CEP44: variants seen among roughly 807,000 people sequenced by gnomAD.
CEP44 encodes the protein centrosomal protein 44, also known as centrosomal protein of 44 kDa.
In CEP44, 45 loss-of-function variants were observed where a neutral mutation model predicts 46.7. That is an observed-to-expected ratio of 0.96 (90% CI 0.76 to 1.24). CEP44 has a LOEUF of 1.24. Among genes scored for constraint, CEP44 ranks in the 50% most tolerant of loss-of-function variants. The probability of loss-of-function intolerance (pLI) is 0.00; values close to 1 mark genes in which losing one functional copy is unlikely to be tolerated. For missense variants in CEP44, 475 were observed against 459.7 expected (o/e 1.03, Z -0.30); for synonymous variants, 142 against 146.0 (o/e 0.97, Z 0.20).
rs537544718 is a variant in CEP44 at position 174,319,693 on chromosome 4, A to G, written c.*2310A>G. On this transcript the variant is annotated 3_prime_UTR_variant, in exon 12 of 12. Coordinates refer to ENST00000503780, the MANE Select transcript of CEP44 (RefSeq NM_001040157.3). Reference sequence around the variant, plus strand: ...GGAAATTTAGAATCCAAATTTTCTTAAACTTTAATAACTTGTCTAACAACT... The same window carrying G: ...GGAAATTTAGAATCCAAATTTTCTTGAACTTTAATAACTTGTCTAACAACT... 2.4e-6 allele frequency: 2 copies of G among 827,752 alleles called. No individual in the cohort carries two copies. Among genetic ancestry groups the G allele is most frequent in the African/African-American group, 3.7e-5 (2 of 54,634 alleles). 51.3% of individuals were successfully genotyped at this position (827,752 alleles called of 1,614,324 possible).
Position 174,311,206 on chromosome 4 carries a change from T to C in CEP44, c.961+348T>C, listed in dbSNP as rs1176272713. On this transcript the variant is annotated intron_variant, in intron 9 of 11. Transcript: ENST00000503780. The surrounding 1 kb of genome is among the most constrained non-coding windows in gnomAD (Gnocchi z 4.4). The stretch of plus-strand genomic sequence containing the variant: ...AGGTAGTAGCTTTCTCATATGTAAA[T>C]AATAATATGTAAGAGAAGAAAACAC... Among the ~76,000 whole-genome samples, 1 of 151,960 alleles carries C rather than the reference T, an allele frequency of 6.6e-6. No individual in the cohort carries two copies. Among genetic ancestry groups the C allele is most frequent in the African/African-American group, 2.4e-5 (1 of 41,408 alleles).
At chr4:174,305,067 G>A (rs1245708580) in intron 6 of CEP44, among the ~76,000 whole-genome samples, 5 of 152,174 alleles carry the variant, frequency 3.3e-5, no homozygotes, top group Admixed American at 2.6e-4. Flanking sequence ...TTAAGTAAAG[G>A]ATGTGAATAC....
chr4:174,324,738 A>G (rs1480137546), downstream of CEP44, among the ~76,000 whole-genome samples: 3 of 152,144 alleles, frequency 2.0e-5, no homozygotes, highest in African/African-American at 7.2e-5. Flanking sequence ...CAGAGGGACC[A>G]GACACTTACC....
In CEP44 at chr4:174,308,728, A is replaced by G. The variant is rs2126628127; in HGVS notation, c.547A>G (p.Asn183Asp). The G allele has an allele frequency of 3.1e-6, 5 of 1,612,596 alleles. No homozygotes were observed. The highest frequency in any genetic ancestry group is 4.2e-6 in the Non-Finnish European group (5 of 1,178,894). The part of the protein sequence containing the change: ...VVIRHLYNED[N>D]VDISEDTLSP... ...GATTCGTCACTTGTATAATGAAGATAATGTTGACATTTCTGAGGATACATT... is the reference window on the plus strand; with the variant it reads ...GATTCGTCACTTGTATAATGAAGATGATGTTGACATTTCTGAGGATACATT... Residue 183 changes from asparagine (N) to aspartate (D), a missense_variant, in exon 7 of 12, where the codon AAT (asparagine) becomes GAT (aspartate). Physicochemically the swap from Asn to Asp is conservative, Grantham distance 23. Coordinates refer to ENST00000503780, the MANE Select transcript of CEP44 (RefSeq NM_001040157.3).
chr4:174,323,913 A>G (rs1288348488), downstream of CEP44, among the ~76,000 whole-genome samples: 1 of 152,160 alleles, frequency 6.6e-6, no homozygotes, highest in Non-Finnish European at 1.5e-5. Context: ...CCTGTACATC[A>G]GAGATGTTAT....
At chr4:174,327,239 C>T (rs1042973575) in intron 8 of CEP44, among the ~76,000 whole-genome samples, 2 of 149,334 alleles carry the variant, frequency 1.3e-5, no homozygotes, top group Non-Finnish European at 3.0e-5. Flanking sequence ...AAAAAACAAA[C>T]GTAATAAAAT....
chr4:174,291,782 C>CTTTTT (rs1208425482), intron 1 of CEP44, among the ~76,000 whole-genome samples: 10 of 81,632 alleles, frequency 1.2e-4, no homozygotes, highest in African/African-American at 1.8e-4. Context: ...TTATCTTTTT[C>CTTTTT]TTTTCTTTTT....
In CEP44 at chr4:174,328,492, C is replaced by T. The variant is rs150244968; in HGVS notation, c.1087-2990C>T. Among the ~76,000 whole-genome samples, 3 of 152,220 alleles carry T rather than the reference C, an allele frequency of 2.0e-5. No homozygotes were observed. The East Asian group carries it at 5.8e-4, about 29-fold the overall frequency. ...AATGAAAAGCTGCCTCGTAGAATTC[C>T]AGGAGGAAGCCAATATCTCGAACAG... On this transcript the variant is annotated intron_variant, in intron 8 of 8. Coordinates refer to the CEP44 transcript ENST00000426172.
At chr4:174,300,528 A>C (rs1489584103) in intron 3 of CEP44, among the ~76,000 whole-genome samples, 1 of 152,112 alleles carries the variant, frequency 6.6e-6, no homozygotes, top group African/African-American at 2.4e-5. Context: ...CTTGTTTTCT[A>C]AATACAGTGT....
In CEP44 at chr4:174,310,826, C is replaced by T; in HGVS notation, c.929C>T (p.Ala310Val). 6.6e-7 allele frequency: 1 copy of T among 1,526,596 alleles called. No individual in the cohort carries two copies. Among genetic ancestry groups the T allele is most frequent in the Non-Finnish European group, 9.0e-7 (1 of 1,110,526 alleles). 94.6% of individuals were successfully genotyped at this position (1,526,596 alleles called of 1,614,324 possible). Residue 310 changes from alanine (A) to valine (V), a missense_variant, in exon 9 of 12, where the codon GCT (alanine) becomes GTT (valine). Physicochemically the swap from Ala to Val is moderately conservative, Grantham distance 64. Coordinates refer to ENST00000503780, the MANE Select transcript of CEP44 (RefSeq NM_001040157.3). This position sits in a 1 kb window ranked among gnomAD's most constrained non-coding sequence, Gnocchi z 4.2. ...TTTAATGAAGTTAGTGAAGACTACG[C>T]TTCTTGTAGTGACATGGACCTTCTG... is the stretch of plus-strand genomic sequence containing the variant. ...IEFNEVSEDY[A>V]SCSDMDLLNP...
intron 8 of CEP44, among the ~76,000 whole-genome samples, chr4:174,328,580 T>C (rs1428733007): frequency 1.3e-5 from 2 of 152,230 alleles, no homozygotes; most frequent in Non-Finnish European, 2.9e-5. Context: ...GGCCTACCTA[T>C]GGACTTTTCA....
intron 8 of CEP44, among the ~76,000 whole-genome samples, chr4:174,330,488 C>CAA (rs199858781): frequency 9.3e-5 from 7 of 75,072 alleles, no homozygotes; most frequent in African/African-American, 1.4e-4. Flanking sequence ...GACTTCGTCT[C>CAA]AAAAAAAAAA....
chr4:174,308,817 G>GATGCCTGA lies in CEP44; in HGVS notation c.638_645dup (p.Val216CysfsTer4), dbSNP rs1277310887. The GATGCCTGA allele has an allele frequency of 6.2e-7, 1 of 1,613,216 alleles. No individual in the cohort carries two copies. Among genetic ancestry groups the GATGCCTGA allele is most frequent in the South Asian group, 1.1e-5 (1 of 91,030 alleles). ...CTGACTTAAATGCTACTGAAATAAA[G>GATGCCTGA]ATGCCTGAAGTAAAGGTTCCTGAAA... On this transcript the variant is annotated frameshift_variant, in exon 7 of 12. Coordinates refer to ENST00000503780, the MANE Select transcript of CEP44 (RefSeq NM_001040157.3). LOFTEE classifies it high-confidence loss of function.
At chr4:174,308,173 T>C (rs1197517162) in intron 6 of CEP44, among the ~76,000 whole-genome samples, 4 of 152,046 alleles carry the variant, frequency 2.6e-5, no homozygotes, top group African/African-American at 4.8e-5. Flanking sequence ...CTATTCACAA[T>C]AGCAAAGACA....
In CEP44 at chr4:174,318,315, G is replaced by A. The variant is rs1741966327; in HGVS notation, c.*932G>A. 5 of 985,076 alleles carry A rather than the reference G, an allele frequency of 5.1e-6. No individual in the cohort carries two copies. In the South Asian group the frequency reaches 1.9e-4, roughly 37 times the overall value. The allele number at this position is 985,076 out of a possible 1,614,324, so 61.0% of individuals were successfully genotyped here. On this transcript the variant is annotated 3_prime_UTR_variant, in exon 12 of 12. Coordinates refer to ENST00000503780, the MANE Select transcript of CEP44 (RefSeq NM_001040157.3). The stretch of plus-strand genomic sequence containing the variant: ...TGACCTCAGGTGATCTGCCTGTCTT[G>A]GCCTCCGGCGTAACACTTTTTAAGA...
chr4:174,316,417 A>T, intron 10 of CEP44, 113 bp from the exon 11 acceptor site: 1 of 1,358,130 alleles, frequency 7.4e-7, no homozygotes, highest in Non-Finnish European at 1.0e-6. Flanking sequence ...TTCTTTCATA[A>T]GTAAACAGTA....
chr4:174,285,249 A>C (rs1737450635), intron 1 of CEP44, among the ~76,000 whole-genome samples: 1 of 152,248 alleles, frequency 6.6e-6, no homozygotes, highest in African/African-American at 2.4e-5. Flanking sequence ...GTAAGGTGTT[A>C]AAATGTACAT....
chr4:174,327,466 A>G (rs1742756606), intron 8 of CEP44, among the ~76,000 whole-genome samples: 1 of 151,974 alleles, frequency 6.6e-6, no homozygotes, highest in Non-Finnish European at 1.5e-5. Flanking sequence ...ATTAAAGAAG[A>G]GAAAAATAGA....
At chr4:174,320,411 T>C (rs1335287452), downstream of CEP44, 2 of 690,670 alleles carry the variant, frequency 2.9e-6, no homozygotes, top group Non-Finnish European at 3.4e-6. Context: ...AATATAACCT[T>C]CTCAATTTTA....
Sources: allele counts gnomAD v4.1 joint callset (sites outside exome capture counted in the v4.1 genomes callset), GRCh38; gene constraint gnomAD v4.1.1; non-coding constraint Gnocchi (gnomAD v3.1); transcripts MANE v1.5; gene names NCBI Gene and HGNC (gene_info 2026-07-23, HGNC 2026-07-21).